AP1M2: variants seen among roughly 807,000 people sequenced by gnomAD.
AP1M2 encodes adaptor related protein complex 1 subunit mu 2.
Under a neutral mutation model 54.6 loss-of-function variants are expected in AP1M2, and 41 were observed. The observed-to-expected ratio is 0.75, with a 90% CI of 0.59 to 0.97. The LOEUF (loss-of-function observed/expected upper bound fraction) is 0.97. Among genes scored for constraint, AP1M2 ranks in the 50% least tolerant of loss-of-function variants. The pLI, the probability that AP1M2 is intolerant of heterozygous loss-of-function variation, is 0.00. For missense variants in AP1M2, 507 were observed against 561.2 expected (o/e 0.90, Z 0.98); for synonymous variants, 219 against 215.9 (o/e 1.01, Z -0.13).
rs981633391 is a variant in AP1M2, at chr19:10,579,565, GCTGGTCTCGAACTCCTGTCC to G, written c.816+131_816+150del. 3 of 811,120 alleles carry G rather than the reference GCTGGTCTCGAACTCCTGTCC, an allele frequency of 3.7e-6. No individual in the cohort carries two copies. The African/African-American group carries it at 5.3e-5, about 14-fold the overall frequency. The allele number at this position is 811,120 out of a possible 1,614,324, so 50.2% of individuals were successfully genotyped here. On this transcript the variant is annotated intron_variant, in intron 7 of 11. Transcript: ENST00000250244. ...GACAGGGCTTCACCCTGTTGGCCAGGCTGGTCTCGAACTCCTGTCCTCAAGTGATCCACCCGACTCAGCCT... is the reference window on the plus strand; with the variant it reads ...GACAGGGCTTCACCCTGTTGGCCAGGTCAAGTGATCCACCCGACTCAGCCT...
At chr19:10,575,780 T>TTTTTTTTTTTTG (rs1917209453) in intron 9 of AP1M2, among the ~76,000 whole-genome samples, 1 of 147,324 alleles carries the variant, frequency 6.8e-6, no homozygotes, top group Non-Finnish European at 1.5e-5. Flanking sequence ...TTTTTTTTTT[T>TTTTTTTTTTTTG]TTTTGAGATG....
At position 10,574,918 on chromosome 19, in the gene AP1M2, C is replaced by T. The variant is rs756203484; in HGVS notation, c.1159G>A (p.Val387Ile). 10 of 1,603,970 alleles carry T rather than the reference C, an allele frequency of 6.2e-6. No individual in the cohort carries two copies. The highest frequency in any genetic ancestry group is 1.3e-5 in the African/African-American group (1 of 74,640). ...GVKFEIPYFT[V>I]SGIQVRYMKI... is the part of the protein sequence containing the mutation. ...GCTTCTCTCACCTGGATCCCAGAGA[C>T]GGTGAAGTAGGGGATCTCAAACTTG... The change falls in exon 10 of 12, where the codon GTC becomes ATC. Residue 387 changes from valine to isoleucine, a missense_variant. Transcript: ENST00000250244.
chr19:10,582,964 T>C (rs1917513539), intron 3 of AP1M2, among the ~76,000 whole-genome samples: 1 of 151,386 alleles, frequency 6.6e-6, no homozygotes, highest in African/African-American at 2.4e-5. Flanking sequence ...TAGCTGGGAT[T>C]ACAGGCAGGT....
In AP1M2 at chr19:10,581,571, G is replaced by T; in HGVS notation, c.462C>A (p.Thr154=). The change falls in exon 5 of 12, where the codon ACC becomes ACA. Residue 154 remains threonine, a synonymous_variant. Transcript: ENST00000250244. ...CCTCGGAGCGCCAGGACACAGCGTTGGTGACAGTGGGTGGCACCCGTGACT... is the reference window on the plus strand; with the variant it reads ...CCTCGGAGCGCCAGGACACAGCGTTTGTGACAGTGGGTGGCACCCGTGACT... ...TGKSRVPPTV[T]NAVSWRSEGI... 6.2e-7 allele frequency: 1 copy of T among 1,613,796 alleles called. No individual in the cohort carries two copies. The highest frequency in any genetic ancestry group is 1.1e-5 in the South Asian group (1 of 91,036).
At position 10,577,274 on chromosome 19, in the gene AP1M2, C is replaced by G. The variant is rs748844229; in HGVS notation, c.971G>C (p.Arg324Thr). 1 of 1,613,116 alleles carries G rather than the reference C, an allele frequency of 6.2e-7. No homozygotes were observed. The highest frequency in any genetic ancestry group is 1.1e-5 in the South Asian group (1 of 90,798). ...VPVPSDADSP[R>T]FKTSVGSAKY... The stretch of plus-strand genomic sequence containing the variant: ...GGCGCTGCCCACACTGGTCTTGAAT[C>G]TGGGGGAGTCGGCATCGCTGGGTAC... Residue 324 changes from arginine (R) to threonine (T), a missense_variant, in exon 9 of 12, where the codon AGA becomes ACA. Physicochemically the swap from Arg to Thr is moderately conservative, Grantham distance 71. Transcript: ENST00000250244.
intron 6 of AP1M2, among the ~76,000 whole-genome samples, chr19:10,580,925 A>G (rs1000243575): frequency 6.6e-6 from 1 of 152,126 alleles, no homozygotes; most frequent in African/African-American, 2.4e-5. Flanking sequence ...ACTGCACTCC[A>G]GCCTGGGTGA....
At chr19:10,585,283 A>AAAGAAAGAAAGAAAGAAAGAAAGAAGG (rs1568434699) in intron 1 of AP1M2, among the ~76,000 whole-genome samples, 5 of 104,634 alleles carry the variant, frequency 4.8e-5, no homozygotes, top group East Asian at 5.4e-4. Context: ...AAAGAAGAAA[A>AAAGAAAGAAAGAAAGAAAGAAAGAAGG]AAAGAAAGAA....
In AP1M2 at chr19:10,577,199, G is replaced by C. The variant is rs201123233; in HGVS notation, c.1046C>G (p.Pro349Arg). The C allele has an allele frequency of 1.9e-6, 3 of 1,605,104 alleles. No homozygotes were observed. Among genetic ancestry groups the C allele is most frequent in the South Asian group, 1.1e-5 (1 of 90,148 alleles). The change falls in exon 9 of 12, where the codon CCG becomes CGG. Residue 349 changes from proline (P) to arginine (R), a missense_variant and splice_region_variant. Coordinates refer to ENST00000250244, the MANE Select transcript of AP1M2 (RefSeq NM_005498.5). ...CCCCCGCCAGTCCCTGGTACTTACC[G>C]GGAAAGACTTAATACTCCAAATCAC... The part of the protein sequence containing the change: ...NVVIWSIKSF[P>R]GGKEYLMRAH...
intron 11 of AP1M2, among the ~76,000 whole-genome samples, chr19:10,573,660 CTT>C (rs35697396): frequency 0.15 from 15,875 of 108,768 alleles, 792 homozygotes; most frequent in South Asian, 0.22. Flanking sequence ...CTTTTTTTTC[CTT>C]TTTTTTTTTT....
At chr19:10,584,134 C>G in intron 1 of AP1M2, 64 bp from the exon 2 acceptor site, 4 of 1,552,042 alleles carry the variant, frequency 2.6e-6, no homozygotes, top group Non-Finnish European at 3.5e-6. Context: ...GCTGAGGAGG[C>G]ACAGTGCCCG....
chr19:10,574,985 A>G lies in AP1M2; in HGVS notation c.1092T>C (p.Ser364=). Reference sequence around the variant, plus strand: ...GGCCCTCCACCTCTTCCTTTTCCACACTGGGGAGGCCAAAGTGGGCTCGCA... The same window carrying G: ...GGCCCTCCACCTCTTCCTTTTCCACGCTGGGGAGGCCAAAGTGGGCTCGCA... ...YLMRAHFGLP[S]VEKEEVEGRP... is the part of the protein sequence containing the mutation. The change falls in exon 10 of 12, where the codon AGT becomes AGC. Residue 364 remains serine, a synonymous_variant. Transcript: ENST00000250244. 1 of 1,564,478 alleles carries G rather than the reference A, an allele frequency of 6.4e-7. No homozygotes were observed. The highest frequency in any genetic ancestry group is 8.7e-7 in the Non-Finnish European group (1 of 1,153,530).
Position 10,581,859 on chromosome 19 carries a change from T to C in AP1M2, c.287A>G (p.Lys96Arg), listed in dbSNP as rs1283439900. 2 of 1,612,988 alleles carry C rather than the reference T, an allele frequency of 1.2e-6. No homozygotes were observed. Among genetic ancestry groups the C allele is most frequent in the African/African-American group, 1.3e-5 (1 of 74,828 alleles). ...CCGGATGCTCTCCTCCTCCAGCTCC[T>C]TGAAGTATTCGCAGAATACCTGGGG... ...KTIEVFCEYF[K>R]ELEEESIRDN... Residue 96 changes from lysine (K) to arginine (R), a missense_variant, in exon 4 of 12, where the codon AAG becomes AGG. Physicochemically the swap from Lys to Arg is conservative, Grantham distance 26. Coordinates refer to ENST00000250244, the MANE Select transcript of AP1M2 (RefSeq NM_005498.5).
At chr19:10,575,550 A>C (rs1402079308) in intron 9 of AP1M2, among the ~76,000 whole-genome samples, 1 of 151,978 alleles carries the variant, frequency 6.6e-6, no homozygotes, top group East Asian at 1.9e-4. Context: ...TGGGTTTCCC[A>C]AACCCACCCA....
chr19:10,584,808 T>C (rs1568434440), intron 1 of AP1M2, among the ~76,000 whole-genome samples: 1 of 152,018 alleles, frequency 6.6e-6, no homozygotes. Context: ...TTAGAAACCA[T>C]GTCCACTGGA....
At position 10,581,516 on chromosome 19, in the gene AP1M2, T is replaced by C. The variant is rs748952450; in HGVS notation, c.517A>G (p.Ile173Val). The change falls in exon 5 of 12, where the codon ATT (isoleucine) becomes GTT (valine). Residue 173 changes from isoleucine (I) to valine (V), a missense_variant. Ile to Val is a conservative substitution (Grantham distance 29). Transcript: ENST00000250244. Reference protein sequence around the residue: ...GIKYKKNEVFIDVIESVNLLV... With the variant: ...GIKYKKNEVFVDVIESVNLLV... ...AGGTTGACAGACTCTATGACATCAA[T>C]GAAGACCTCGTTCTTCTTATACTTG... 10 of 1,613,846 alleles carry C rather than the reference T, an allele frequency of 6.2e-6. No homozygotes were observed. Among genetic ancestry groups the C allele is most frequent in the Non-Finnish European group, 7.6e-6 (9 of 1,179,898 alleles).
chr19:10,577,139 C>T (rs1274613200), intron 9 of AP1M2, 59 bp downstream of exon 9: 4 of 1,542,432 alleles, frequency 2.6e-6, no homozygotes, highest in Admixed American at 1.9e-5. Flanking sequence ...TCCTGGGCAG[C>T]CCCCACACTA....
intron 7 of AP1M2, among the ~76,000 whole-genome samples, chr19:10,579,233 G>C (rs1376051754): frequency 6.6e-6 from 1 of 151,460 alleles, no homozygotes; most frequent in Admixed American, 6.6e-5. Context: ...TGGCTAACAC[G>C]GCGAAACCCC....
intron 3 of AP1M2, among the ~76,000 whole-genome samples, chr19:10,582,823 G>T (rs566926690): frequency 3.5e-5 from 2 of 56,658 alleles, no homozygotes; most frequent in Non-Finnish European, 6.7e-5. Flanking sequence ...GGCAGGTATG[G>T]TGGCTTCTTT....
rs1485132941 is a variant in AP1M2 at position 10,577,271 on chromosome 19, A to G, written c.974T>C (p.Phe325Ser). 6.2e-7 allele frequency: 1 copy of G among 1,613,022 alleles called. No individual in the cohort carries two copies. Among genetic ancestry groups the G allele is most frequent in the African/African-American group, 1.3e-5 (1 of 74,906 alleles). ...CTTGGCGCTGCCCACACTGGTCTTGAATCTGGGGGAGTCGGCATCGCTGGG... is the reference window on the plus strand; with the variant it reads ...CTTGGCGCTGCCCACACTGGTCTTGGATCTGGGGGAGTCGGCATCGCTGGG... ...PVPSDADSPR[F>S]KTSVGSAKYV... is the part of the protein sequence containing the mutation. The change falls in exon 9 of 12, where the codon TTC becomes TCC. Residue 325 changes from phenylalanine (F) to serine (S), a missense_variant. By Grantham distance (155) the Phe-to-Ser change is radical. Transcript: ENST00000250244.
Sources: allele counts gnomAD v4.1 joint callset (sites outside exome capture counted in the v4.1 genomes callset), GRCh38; gene constraint gnomAD v4.1.1; transcripts MANE v1.5; gene names NCBI Gene and HGNC (gene_info 2026-07-23, HGNC 2026-07-21).